Variants in FOLH1 observed in about 807,000 individuals in gnomAD.
FOLH1 encodes folate hydrolase 1, also known as glutamate carboxypeptidase 2.
In FOLH1, 54 loss-of-function variants were observed where a neutral mutation model predicts 93.9. The ratio of observed to expected loss-of-function variants is 0.57; its 90% CI spans 0.46 to 0.72. The LOEUF (loss-of-function observed/expected upper bound fraction) is 0.72, where lower values mean the gene tolerates loss of function less well. FOLH1 is among the 30% of genes least tolerant of loss of function. The probability of loss-of-function intolerance (pLI) is 0.00; values close to 1 mark genes in which losing one functional copy is unlikely to be tolerated. For missense variants in FOLH1, 571 were observed against 892.5 expected (o/e 0.64, Z 4.59); for synonymous variants, 249 against 303.6 (o/e 0.82, Z 1.87).
chr11:49,182,114 C>T (rs552663632), intron 7 of FOLH1, among the ~76,000 whole-genome samples: 282 of 151,920 alleles, frequency 1.9e-3, no homozygotes, highest in African/African-American at 2.5e-3. Flanking sequence ...GGATCACCTG[C>T]GGTCAGGAGT....
At chr11:49,191,009 A>T (rs1405944312) in intron 4 of FOLH1, among the ~76,000 whole-genome samples, 2 of 152,218 alleles carry the variant, frequency 1.3e-5, no homozygotes, top group African/African-American at 2.4e-5. Flanking sequence ...CAGTGAAAAG[A>T]TTATGTATAC....
At position 49,148,602 on chromosome 11, in the gene FOLH1, T is replaced by A. The variant is rs1856050357; in HGVS notation, c.2063+37A>T. The stretch of plus-strand genomic sequence containing the variant: ...AAATAAAAATAATTAGAAGAAAAAG[T>A]GATATTACAGAAAGGAGTCATATTT... On this transcript the variant is annotated intron_variant, in intron 18 of 18. Coordinates refer to ENST00000256999, the MANE Select transcript of FOLH1 (RefSeq NM_004476.3). The A allele has an allele frequency of 4.3e-6, 6 of 1,400,796 alleles. No homozygotes were observed. The Middle Eastern group carries it at 5.4e-4, about 125-fold the overall frequency. 86.8% of individuals were successfully genotyped at this position (1,400,796 alleles called of 1,614,324 possible).
At position 49,161,362 on chromosome 11, in the gene FOLH1, T is replaced by C. The variant is rs1301976659; in HGVS notation, c.1441-3319A>G. On this transcript the variant is annotated intron_variant, in intron 13 of 18. Transcript: ENST00000256999. ...AGTAAGCTCTTCTTGTTGAATTGAA[T>C]CCTTTACCGTTACGTGATGCCCTTC... 2.6e-5 allele frequency among the ~76,000 whole-genome samples: 4 copies of C among 152,198 alleles called. 1 individual carries two copies. Among genetic ancestry groups the C allele is most frequent in the Non-Finnish European group, 5.9e-5 (4 of 68,036 alleles).
chr11:49,180,591 C>A (rs1860607879), intron 7 of FOLH1, among the ~76,000 whole-genome samples: 1 of 152,090 alleles, frequency 6.6e-6, no homozygotes, highest in South Asian at 2.1e-4. Context: ...AAAACACTGT[C>A]TTTTCTAATT....
chr11:49,150,169 T>C (rs3872563), intron 17 of FOLH1, among the ~76,000 whole-genome samples: 74,986 of 152,036 alleles, frequency 0.49, 20,843 homozygotes, highest in Admixed American at 0.61. Context: ...GGGCTCACTG[T>C]ATTAATTGAA....
chr11:49,199,177 T>C (rs1480951887), intron 3 of FOLH1, among the ~76,000 whole-genome samples: 2 of 152,186 alleles, frequency 1.3e-5, no homozygotes, highest in Admixed American at 6.5e-5. Flanking sequence ...TCAAGCTACA[T>C]GTAATTAAGA....
chr11:49,173,883 T>C (rs1302227522), intron 9 of FOLH1, among the ~76,000 whole-genome samples: 1 of 152,168 alleles, frequency 6.6e-6, no homozygotes, highest in Non-Finnish European at 1.5e-5. Flanking sequence ...GTTTTTAAGG[T>C]ACAGCTCAAA....
In FOLH1 at chr11:49,161,384, CTTCT is replaced by C. The variant is rs1222097573; in HGVS notation, c.1440+3317_1440+3320del. On this transcript the variant is annotated intron_variant, in intron 13 of 18. Coordinates refer to ENST00000256999, the MANE Select transcript of FOLH1 (RefSeq NM_004476.3). Reference sequence around the variant, plus strand: ...GAATCCTTTACCGTTACGTGATGCCCTTCTTTGTCTTTTTTTTTATCTTTGTTGG... The same window carrying C: ...GAATCCTTTACCGTTACGTGATGCCCTTGTCTTTTTTTTTATCTTTGTTGG... Among the ~76,000 whole-genome samples the C allele has an allele frequency of 3.9e-5, 6 of 152,134 alleles. No homozygotes were observed. In the South Asian group the frequency reaches 6.2e-4, roughly 16 times the overall value.
Position 49,208,293 on chromosome 11 carries a change from G to T in FOLH1, c.117C>A (p.Phe39Leu), listed in dbSNP as rs759774909. ...TTGCTCCGCGAGGCGCCCCCCTACC[G>T]AAGAGGAAGCCGAGGAGAAAGAAGC... ...AGGFFLLGFL[F>L]GWFIKSSNEA... is the part of the protein sequence containing the mutation. The change falls in exon 1 of 19, where the codon TTC becomes TTA. Residue 39 changes from phenylalanine to leucine, a missense_variant and splice_region_variant. Around this residue, in one of 2 missense-constraint regions of FOLH1, gnomAD observed 71 missense variants for 69.6 expected, o/e 1.02. Coordinates refer to ENST00000256999, the MANE Select transcript of FOLH1 (RefSeq NM_004476.3). 1.1e-5 allele frequency: 17 copies of T among 1,554,878 alleles called. No homozygotes were observed. The South Asian group carries it at 1.4e-4, about 13-fold the overall frequency.
At position 49,161,029 on chromosome 11, in the gene FOLH1, G is replaced by A. The variant is rs535300463; in HGVS notation, c.1441-2986C>T. 7.9e-5 allele frequency among the ~76,000 whole-genome samples: 12 copies of A among 152,190 alleles called. 1 individual carries two copies. The South Asian group carries it at 2.3e-3, about 29-fold the overall frequency. The stretch of plus-strand genomic sequence containing the variant: ...ATTTCATTTCTTTTGCTTTTGCTGA[G>A]GAGTGTTTTACTTCCAATTATGTGA... On this transcript the variant is annotated intron_variant, in intron 13 of 18. Transcript: ENST00000256999.
intron 1 of FOLH1, 114 bp downstream of exon 1, chr11:49,208,178 C>T: frequency 1.3e-6 from 1 of 779,384 alleles, no homozygotes; most frequent in Non-Finnish European, 2.1e-6. Flanking sequence ...ACCCTAATCG[C>T]CGCCCCTGGG....
rs577282617 is a variant in FOLH1, at chr11:49,200,837, A to C, written c.225-396T>G. On this transcript the variant is annotated intron_variant, in intron 2 of 18. Transcript: ENST00000256999. ...AAAGATCAAGGTGTAACATGGCAAG[A>C]ATTACTAATAATTACATTTATTTAA... Among the ~76,000 whole-genome samples the C allele has an allele frequency of 6.6e-5, 10 of 152,294 alleles. No individual in the cohort carries two copies. In the South Asian group the frequency reaches 2.1e-3, roughly 32 times the overall value.
chr11:49,206,742 C>T (rs1864014045), intron 1 of FOLH1: 6 of 1,534,008 alleles, frequency 3.9e-6, no homozygotes, highest in African/African-American at 1.4e-5. Context: ...CGTGAGAAAT[C>T]CAAGTTCAGA....
chr11:49,199,097 T>G (rs1325402274), intron 3 of FOLH1, among the ~76,000 whole-genome samples: 5 of 152,118 alleles, frequency 3.3e-5, no homozygotes, highest in Non-Finnish European at 7.4e-5. Context: ...ATTGACCTAC[T>G]ATGAAAAAAA....
rs1338048410 is a variant in FOLH1 at position 49,164,763 on chromosome 11, G to T, written c.1382C>A (p.Thr461Asn). 1 of 1,599,616 alleles carries T rather than the reference G, an allele frequency of 6.3e-7. No homozygotes were observed. Among genetic ancestry groups the T allele is most frequent in the Non-Finnish European group, 8.5e-7 (1 of 1,169,924 alleles). ...NADSSIEGNY[T>N]LRVDCTPLMY... ...CAGCGGTGTACAATCAACTCTCAGA[G>T]TGTAGTTTCCTGAAAAATAAGAAAA... Residue 461 changes from threonine (T) to asparagine (N), a missense_variant, in exon 13 of 19, where the codon ACT becomes AAT. Around this residue, in one of 2 missense-constraint regions of FOLH1, gnomAD observed 500 missense variants for 822.9 expected, o/e 0.61. Coordinates refer to ENST00000256999, the MANE Select transcript of FOLH1 (RefSeq NM_004476.3).
At chr11:49,192,087 T>C (rs913511412) in intron 4 of FOLH1, among the ~76,000 whole-genome samples, 2 of 152,206 alleles carry the variant, frequency 1.3e-5, no homozygotes, top group African/African-American at 4.8e-5. Context: ...GTATATTTTA[T>C]ATTTTTTTAG....
intron 15 of FOLH1, among the ~76,000 whole-genome samples, chr11:49,155,334 T>C (rs1324992643): frequency 6.6e-6 from 1 of 152,064 alleles, no homozygotes; most frequent in Non-Finnish European, 1.5e-5. Flanking sequence ...ACCTCCTGCA[T>C]AACTCTGCCT....
chr11:49,151,137 G>A (rs7949401), intron 17 of FOLH1, among the ~76,000 whole-genome samples: 3,491 of 152,136 alleles, frequency 0.023, 138 homozygotes, highest in African/African-American at 0.081. Flanking sequence ...GCACCTTGCC[G>A]ACAAAAGGAA....
At chr11:49,200,638 A>G (rs1430441086) in intron 2 of FOLH1, among the ~76,000 whole-genome samples, 197 bp from the exon 3 acceptor site, 1 of 152,212 alleles carries the variant, frequency 6.6e-6, no homozygotes. Flanking sequence ...TACTAAATCA[A>G]GAGAAAAATC....
Sources: allele counts gnomAD v4.1 joint callset (sites outside exome capture counted in the v4.1 genomes callset), GRCh38; gene constraint gnomAD v4.1.1; regional missense constraint gnomAD v4.1.1; transcripts MANE v1.5; gene names NCBI Gene and HGNC (gene_info 2026-07-23, HGNC 2026-07-21).